The following PXMP2 variants were observed in gnomAD, a reference collection of about 807,000 sequenced individuals.
The protein encoded by PXMP2 is peroxisomal membrane protein 2.
PXMP2 carries 13 observed loss-of-function variants against 20.2 expected under a neutral mutation model. The ratio of observed to expected loss-of-function variants is 0.64; its 90% confidence interval spans 0.42 to 1.02. The LOEUF (loss-of-function observed/expected upper bound fraction) is 1.02, where lower values mean the gene tolerates loss of function less well. Among genes scored for constraint, PXMP2 ranks in the 50% least tolerant of loss-of-function variants. The pLI, the probability that PXMP2 is intolerant of heterozygous loss-of-function variation, is 0.00. For missense variants in PXMP2, 284 were observed against 251.8 expected (o/e 1.13, Z -0.87); for synonymous variants, 113 against 111.2 (o/e 1.02, Z -0.10).
chr12:132,694,412 CAGTTAGTGAGCTCCCTTAGCCAGTT>C (rs2043395656), intron 2 of PXMP2, among the ~76,000 whole-genome samples: 1 of 71,662 alleles, frequency 1.4e-5, no homozygotes, highest in Non-Finnish European at 3.2e-5. Context: ...GCGCCCTTGC[CAGTTAGTGAGCTCCCTTAGCCAGTT>C]AGTTAGTGAG....
intron 3 of PXMP2, among the ~76,000 whole-genome samples, chr12:132,699,508 G>A (rs531459349): frequency 1.5e-4 from 22 of 149,364 alleles, no homozygotes; most frequent in African/African-American, 4.4e-4. Flanking sequence ...TTCAATCGAC[G>A]TCACTGCAAA....
At chr12:132,703,483 A>G (rs2043454127) in intron 4 of PXMP2, among the ~76,000 whole-genome samples, 1 of 152,116 alleles carries the variant, frequency 6.6e-6, no homozygotes. Flanking sequence ...GCACACTCAC[A>G]GTGGTGCTTG....
chr12:132,693,639 G>T (rs2043387283), intron 2 of PXMP2, among the ~76,000 whole-genome samples: 1 of 86,902 alleles, frequency 1.2e-5, no homozygotes. Flanking sequence ...GAGCGCCCTT[G>T]CCAGTTAGTG....
rs1371582208 is a variant in PXMP2 at position 132,704,657 on chromosome 12, G to C, written c.558G>C (p.Trp186Cys). 1 of 1,540,030 alleles carries C rather than the reference G, an allele frequency of 6.5e-7. No individual in the cohort carries two copies. The highest frequency in any genetic ancestry group is 8.8e-7 in the Non-Finnish European group (1 of 1,139,738). Residue 186 changes from tryptophan to cysteine, a missense_variant, in exon 5 of 5, where the codon TGG (tryptophan) becomes TGC (cysteine). Transcript: ENST00000317479. The stretch of plus-strand genomic sequence containing the variant: ...TCGCCAACCTGGCAGCTCTGTTCTG[G>C]TATGCCTACCTGGCCTCCTTGGGGA... ...VLFANLAALF[W>C]YAYLASLGK
At chr12:132,698,901 G>A (rs1044516546) in intron 3 of PXMP2, among the ~76,000 whole-genome samples, 1 of 152,180 alleles carries the variant, frequency 6.6e-6, no homozygotes, top group South Asian at 2.1e-4. Context: ...ATGAGCCACT[G>A]TACCCAGCTT....
intron 3 of PXMP2, among the ~76,000 whole-genome samples, chr12:132,699,044 C>G (rs1403453928): frequency 6.6e-6 from 1 of 152,118 alleles, no homozygotes; most frequent in African/African-American, 2.4e-5. Flanking sequence ...CTTTTACTTC[C>G]CATCACCCAA....
chr12:132,700,042 C>CT (rs147672956), intron 3 of PXMP2, among the ~76,000 whole-genome samples: 1,769 of 144,148 alleles, frequency 0.012, 22 homozygotes, highest in Middle Eastern at 0.018. Flanking sequence ...GTTTTTTGAC[C>CT]TTTTTTTTTT....
intron 2 of PXMP2, among the ~76,000 whole-genome samples, chr12:132,693,105 A>G (rs1159977001): frequency 1.6e-3 from 12 of 7,732 alleles, no homozygotes; most frequent in East Asian, 3.1e-3. Flanking sequence ...GTTAGTGAGC[A>G]CCCTTGCCAG....
chr12:132,697,393 T>TTTTATTTATTTATTTA (rs139781321), intron 3 of PXMP2, among the ~76,000 whole-genome samples: 3 of 150,018 alleles, frequency 2.0e-5, no homozygotes, highest in Non-Finnish European at 4.4e-5. Context: ...TGTAGTCCTA[T>TTTTATTTATTTATTTA]TTTATTTATT....
chr12:132,702,681 A>G (rs570132268), intron 4 of PXMP2: 1 of 188,590 alleles, frequency 5.3e-6, no homozygotes, highest in East Asian at 1.8e-4. Flanking sequence ...TTGTTGGTGC[A>G]AACAGTCCAG....
Position 132,687,786 on chromosome 12 carries a change from C to T in PXMP2, c.116C>T (p.Ala39Val). 1 of 1,164,442 alleles carries T rather than the reference C, an allele frequency of 8.6e-7. No homozygotes were observed. The highest frequency in any genetic ancestry group is 1.1e-6 in the Non-Finnish European group (1 of 945,238). 72.1% of individuals were successfully genotyped at this position (1,164,442 alleles called of 1,614,324 possible). A position where few individuals can be genotyped will look rare whatever the true frequency, so the allele number is the denominator to read the frequency against. ...CTCTACCCGGTGCTCACCAAGGCGG[C>T]CACCAGGTGAGCGGGGGCGCGGGAA... ...LRLYPVLTKA[A>V]TSGILSALGN... The change falls in exon 1 of 5, where the codon GCC becomes GTC. Residue 39 changes from alanine (A) to valine (V), a missense_variant. Ala to Val is a moderately conservative substitution (Grantham distance 64). Transcript: ENST00000317479.
At chr12:132,694,391 TTAGTTAGTGAGCGCCCTTGC>T (rs2043395382) in intron 2 of PXMP2, among the ~76,000 whole-genome samples, 2 of 88,344 alleles carry the variant, frequency 2.3e-5, no homozygotes, top group East Asian at 3.1e-4. Context: ...CCCTTGCCAG[TTAGTTAGTGAGCGCCCTTGC>T]CAGTTAGTGA....
rs2043411793 is a variant in PXMP2, at chr12:132,696,704, G to C, written c.399+658G>C. ...AGTCCCAGCTACTTGGGAGGCTGAG[G>C]CAGGAGAATGGCGTGAACCCGGGAG... On this transcript the variant is annotated intron_variant, in intron 3 of 4. Coordinates refer to ENST00000317479, the MANE Select transcript of PXMP2 (RefSeq NM_018663.3). The surrounding 1 kb of genome is among the most constrained non-coding windows in gnomAD (Gnocchi z 4.4). Among the ~76,000 whole-genome samples the C allele has an allele frequency of 6.6e-6, 1 of 152,224 alleles. No individual in the cohort carries two copies. The highest frequency in any genetic ancestry group is 2.4e-5 in the African/African-American group (1 of 41,468).
At chr12:132,689,013 T>G (rs1417578716) in intron 1 of PXMP2, among the ~76,000 whole-genome samples, 22 of 16,074 alleles carry the variant, frequency 1.4e-3, no homozygotes, top group South Asian at 0.011. Flanking sequence ...GAGCGGGTCT[T>G]GGGGGCGCGG....
At position 132,687,748 on chromosome 12, in the gene PXMP2, G is replaced by A. The variant is rs1221585896; in HGVS notation, c.78G>A (p.Leu26=). 1 of 1,219,596 alleles carries A rather than the reference G, an allele frequency of 8.2e-7. No homozygotes were observed. The highest frequency in any genetic ancestry group is 1.0e-6 in the Non-Finnish European group (1 of 977,016). 75.5% of individuals were successfully genotyped at this position (1,219,596 alleles called of 1,614,324 possible). The change falls in exon 1 of 5, where the codon CTG becomes CTA. Residue 26 remains leucine, a synonymous_variant. Coordinates refer to ENST00000317479, the MANE Select transcript of PXMP2 (RefSeq NM_018663.3). ...CGCGGCGGGCGCTCGCCCAGTACCT[G>A]CTCTTCCTGCGGCTCTACCCGGTGC... The part of the protein sequence containing the change: ...ALPRRALAQY[L]LFLRLYPVLT...
At chr12:132,699,386 G>C (rs188266067) in intron 3 of PXMP2, among the ~76,000 whole-genome samples, 1 of 152,140 alleles carries the variant, frequency 6.6e-6, no homozygotes, top group East Asian at 1.9e-4. Flanking sequence ...ACTCCAGCCA[G>C]CATGGGCAAC....
chr12:132,690,517 C>T, intron 2 of PXMP2, 141 bp downstream of exon 2: 1 of 660,206 alleles, frequency 1.5e-6, no homozygotes, highest in Admixed American at 3.1e-5. Context: ...TGGGAAAAAA[C>T]TCGAATGGTT....
Position 132,704,789 on chromosome 12 carries a change from A to C in PXMP2, c.*102A>C. ...TCCAGTCAGGATGTCACTGACTCTA[A>C]ATCAGGTGATTCAAGATGCCCAAAA... On this transcript the variant is annotated 3_prime_UTR_variant, in exon 5 of 5. Transcript: ENST00000317479. The C allele has an allele frequency of 8.9e-7, 1 of 1,125,962 alleles. No homozygotes were observed. The highest frequency in any genetic ancestry group is 1.3e-6 in the Non-Finnish European group (1 of 744,022). 69.7% of individuals were successfully genotyped at this position (1,125,962 alleles called of 1,614,324 possible).
intron 2 of PXMP2, among the ~76,000 whole-genome samples, chr12:132,692,496 TAGCC>T (rs2043375718): frequency 1.1e-5 from 1 of 89,988 alleles, no homozygotes; most frequent in Non-Finnish European, 2.5e-5. Context: ...TGAGCTCCCT[TAGCC>T]AGTTAGTTAG....
Sources: allele counts gnomAD v4.1 joint callset (sites outside exome capture counted in the v4.1 genomes callset), GRCh38; gene constraint gnomAD v4.1.1; non-coding constraint Gnocchi (gnomAD v3.1); transcripts MANE v1.5; gene names NCBI Gene and HGNC (gene_info 2026-07-23, HGNC 2026-07-21).